HPSE2: variants seen among roughly 807,000 people sequenced by gnomAD.
HPSE2 encodes the protein heparanase 2 (inactive), also known as inactive heparanase-2.
In HPSE2, 38 loss-of-function variants were observed where a neutral mutation model predicts 60.5. That is an observed-to-expected ratio of 0.63 (90% CI 0.48 to 0.82). HPSE2 has a LOEUF of 0.82. Among genes scored for constraint, HPSE2 ranks in the 40% least tolerant of loss-of-function variants. The pLI is 0.00. For synonymous variants in HPSE2, 295 were observed against 293.2 expected, an observed-to-expected ratio of 1.01 and a Z score of -0.06; for missense variants, 713 against 740.4, an observed-to-expected ratio of 0.96 and a Z score of 0.43.
At chr10:98,747,577 A>T (rs1949659108) in intron 3 of HPSE2, among the ~76,000 whole-genome samples, 1 of 152,212 alleles carries the variant, frequency 6.6e-6, no homozygotes. Context: ...ACATAGCAAA[A>T]ATTGGGAACT....
At chr10:98,607,203 C>A (rs946112277) in intron 9 of HPSE2, among the ~76,000 whole-genome samples, 1 of 151,870 alleles carries the variant, frequency 6.6e-6, no homozygotes, top group African/African-American at 2.4e-5. Flanking sequence ...CCAGAGCTGA[C>A]CTTGCTCCTC....
Position 98,473,532 on chromosome 10 carries a change from G to GAGAGAAAGAA in HPSE2, c.1613+9103_1613+9104insTTCTTTCTCT, listed in dbSNP as rs1554911866. On this transcript the variant is annotated intron_variant, in intron 11 of 11. Transcript: ENST00000370552. ...AGGCAGAAAAAGAGAAAGAGAGAGA[G>GAGAGAAAGAA]AGAAAGAAAGAAAGAGAGGAAGAGA... Among the ~76,000 whole-genome samples the GAGAGAAAGAA allele has an allele frequency of 5.2e-4, 73 of 139,664 alleles. 2 individuals are homozygous for GAGAGAAAGAA. In the South Asian group the frequency reaches 0.016, roughly 31 times the overall value. The allele number at this position is 139,664 out of a possible 152,430, so 91.6% of individuals were successfully genotyped here.
intron 11 of HPSE2, among the ~76,000 whole-genome samples, chr10:98,467,981 T>C (rs1940617271): frequency 6.6e-6 from 1 of 152,224 alleles, no homozygotes; most frequent in Non-Finnish European, 1.5e-5. Context: ...CGCTGGGCTC[T>C]CCCGGGCTCC....
upstream of HPSE2, chr10:99,235,940 TCTCTCTCTCTCCCG>T: frequency 1.6e-6 from 1 of 625,072 alleles, no homozygotes. Flanking sequence ...ACACACACAC[TCTCTCTCTCTCCCG>T]CTCTCTCTCT....
At chr10:98,918,969 T>C (rs1444706228) in intron 3 of HPSE2, among the ~76,000 whole-genome samples, 5 of 152,234 alleles carry the variant, frequency 3.3e-5, no homozygotes, top group East Asian at 1.9e-4. Flanking sequence ...GGGCCAAGCA[T>C]TGTGCTAGGT....
chr10:98,758,463 A>G (rs1023880763), intron 3 of HPSE2, among the ~76,000 whole-genome samples: 1 of 152,198 alleles, frequency 6.6e-6, no homozygotes, highest in Non-Finnish European at 1.5e-5. Context: ...CAGAATATAT[A>G]AGGAACTTGA....
chr10:98,532,152 C>T (rs1256393344), intron 9 of HPSE2, among the ~76,000 whole-genome samples: 1 of 152,140 alleles, frequency 6.6e-6, no homozygotes, highest in Non-Finnish European at 1.5e-5. Flanking sequence ...CCTAATCTAT[C>T]GCTAGGGCTG....
intron 3 of HPSE2, among the ~76,000 whole-genome samples, chr10:98,750,027 A>G (rs1565135287): frequency 6.6e-6 from 1 of 150,660 alleles, no homozygotes; most frequent in Non-Finnish European, 1.5e-5. Context: ...GTTACATTTA[A>G]TGTGGCTGGC....
At chr10:98,692,141 C>T (rs1948091639) in intron 6 of HPSE2, among the ~76,000 whole-genome samples, 1 of 152,008 alleles carries the variant, frequency 6.6e-6, no homozygotes, top group African/African-American at 2.4e-5. Flanking sequence ...GAAGGCCTCT[C>T]CAGGAAATGA....
chr10:98,804,866 G>A (rs1951005100), intron 3 of HPSE2, among the ~76,000 whole-genome samples: 1 of 152,076 alleles, frequency 6.6e-6, no homozygotes, highest in African/African-American at 2.4e-5. Context: ...CAAAAGCCAA[G>A]ATTTGCAAGC....
intron 3 of HPSE2, among the ~76,000 whole-genome samples, chr10:98,961,522 TG>T (rs1325432155): frequency 3.7e-5 from 2 of 54,690 alleles, no homozygotes; most frequent in Admixed American, 3.9e-4. Flanking sequence ...ATGTGTTTTT[TG>T]GCTGCATAAA....
chr10:98,489,726 C>CA (rs1158688313), intron 10 of HPSE2, among the ~76,000 whole-genome samples: 1 of 152,100 alleles, frequency 6.6e-6, no homozygotes, highest in Non-Finnish European at 1.5e-5. Flanking sequence ...CTTAGGCACA[C>CA]AAAAAAGCCT....
chr10:98,484,323 C>T (rs541815557), intron 10 of HPSE2, among the ~76,000 whole-genome samples: 12 of 152,250 alleles, frequency 7.9e-5, no homozygotes, highest in East Asian at 3.9e-4. Context: ...CTGCAACCTC[C>T]GCCTCCTGCG....
rs147983827 is a variant in HPSE2 at position 98,797,705 on chromosome 10, G to T, written c.611-53649C>A. Among the ~76,000 whole-genome samples, 30 of 152,008 alleles carry T rather than the reference G, an allele frequency of 2.0e-4. No homozygotes were observed. The East Asian group carries it at 4.3e-3, about 22-fold the overall frequency. The stretch of plus-strand genomic sequence containing the variant: ...AAAAAATACAAAAAATTAGCCGAGC[G>T]TGGTGGTGGGCGTCTGTAGTCCCAG... On this transcript the variant is annotated intron_variant, in intron 3 of 11. Coordinates refer to ENST00000370552, the MANE Select transcript of HPSE2 (RefSeq NM_021828.5).
intron 3 of HPSE2, among the ~76,000 whole-genome samples, chr10:98,982,339 C>A (rs566614567): frequency 6.6e-6 from 1 of 152,122 alleles, no homozygotes; most frequent in Non-Finnish European, 1.5e-5. Flanking sequence ...AAAACATACA[C>A]ACACAACACA....
chr10:98,887,172 AT>A (rs1953189113), intron 3 of HPSE2, among the ~76,000 whole-genome samples: 1 of 152,108 alleles, frequency 6.6e-6, no homozygotes. Context: ...GTATTAGTTC[AT>A]TTTTTCAGGT....
intron 9 of HPSE2, among the ~76,000 whole-genome samples, chr10:98,559,849 A>C (rs746643347): frequency 2.6e-5 from 4 of 152,278 alleles, no homozygotes; most frequent in Non-Finnish European, 2.9e-5. Flanking sequence ...ATGGTTTGTG[A>C]GCTGTATTTT....
chr10:99,256,066 T>C, the HPSE2 span, among the ~76,000 whole-genome samples: 3 of 151,872 alleles, frequency 2.0e-5, no homozygotes, highest in Admixed American at 6.6e-5. Context: ...CAACCAGATC[T>C]CATGATAACT....
intron 11 of HPSE2, among the ~76,000 whole-genome samples, chr10:98,464,421 C>A (rs1022513771): frequency 6.6e-6 from 1 of 152,170 alleles, no homozygotes; most frequent in Non-Finnish European, 1.5e-5. Flanking sequence ...TCATTCTGTG[C>A]GGTGCTCCCT....
Sources: gnomAD v4.1 joint callset for allele counts (sites outside exome capture counted in the v4.1 genomes callset) on GRCh38, gnomAD v4.1.1 for gene constraint, MANE v1.5 for transcripts, NCBI Gene and HGNC (gene_info 2026-07-23, HGNC 2026-07-21) for gene names.